Variants in SVEP1 observed in about 807,000 individuals in gnomAD.
The protein encoded by SVEP1 is sushi, von Willebrand factor type A, EGF and pentraxin domain-containing protein 1.
SVEP1 carries 164 observed loss-of-function variants against 367.3 expected under a neutral mutation model. The observed-to-expected ratio is 0.45, with a 90% confidence interval of 0.39 to 0.51. The LOEUF (loss-of-function observed/expected upper bound fraction) is 0.51. Among genes scored for constraint, SVEP1 ranks in the 20% least tolerant of loss-of-function variants. SVEP1 has a pLI of 0.00. For synonymous variants in SVEP1, 1,666 were observed against 1,611.6 expected (o/e 1.03, Z -0.81); for missense variants, 4,117 against 4,425.3 (o/e 0.93, Z 1.98).
At position 110,411,016 on chromosome 9, in the gene SVEP1, G is replaced by A. The variant is rs779446515; in HGVS notation, c.6648+47C>T. ...TTTGTTTTGTTTATTTATTTATTATGGGCCCTGTGACAAAAGCCACAGACC... is the reference window on the plus strand; with the variant it reads ...TTTGTTTTGTTTATTTATTTATTATAGGCCCTGTGACAAAAGCCACAGACC... On this transcript the variant is annotated intron_variant, in intron 37 of 47. Transcript: ENST00000374469. 25 of 1,477,632 alleles carry A rather than the reference G, an allele frequency of 1.7e-5. No homozygotes were observed. In the South Asian group the frequency reaches 3.4e-4, roughly 20 times the overall value. The allele number at this position is 1,477,632 out of a possible 1,614,324, so 91.5% of individuals were successfully genotyped here. A position where few individuals can be genotyped will look rare whatever the true frequency, so the allele number is the denominator to read the frequency against.
At chr9:110,423,795 A>G (rs943951718) in intron 36 of SVEP1, among the ~76,000 whole-genome samples, 1 of 145,934 alleles carries the variant, frequency 6.9e-6, no homozygotes, top group Non-Finnish European at 1.5e-5. Context: ...GTCAATATGA[A>G]AAACAAAATG....
intron 5 of SVEP1, among the ~76,000 whole-genome samples, chr9:110,504,855 C>G (rs1490130409): frequency 6.6e-6 from 1 of 152,166 alleles, no homozygotes; most frequent in Non-Finnish European, 1.5e-5. Context: ...AGATCTTCCC[C>G]CTTTCTTGGA....
rs545454578 is a variant in SVEP1, at chr9:110,547,624, G to C, written c.788-1333C>G. On this transcript the variant is annotated intron_variant, in intron 2 of 47. Transcript: ENST00000374469. The stretch of plus-strand genomic sequence containing the variant: ...AAGACAAACATAGCTGTCAAGACTA[G>C]TGTACCAGCATTCAGGTCTGGAAGA... Among the ~76,000 whole-genome samples the C allele has an allele frequency of 2.0e-5, 3 of 152,292 alleles. No homozygotes were observed. The South Asian group carries it at 6.2e-4, about 32-fold the overall frequency.
intron 3 of SVEP1, among the ~76,000 whole-genome samples, chr9:110,528,597 T>C (rs954454998): frequency 2.6e-5 from 4 of 152,030 alleles, no homozygotes; most frequent in African/African-American, 9.7e-5. Context: ...TGGCCATTTA[T>C]ATATCTTCCT....
At chr9:110,394,275 G>A (rs529531073) in intron 40 of SVEP1, among the ~76,000 whole-genome samples, 49 of 152,194 alleles carry the variant, frequency 3.2e-4, no homozygotes, top group African/African-American at 1.2e-3. Context: ...AGCCAACTCC[G>A]ACCTGCAGCT....
At chr9:110,434,245 G>A (rs932382130) in intron 30 of SVEP1, 91 bp downstream of exon 30, 4 of 1,348,078 alleles carry the variant, frequency 3.0e-6, no homozygotes, top group Admixed American at 2.3e-5. Flanking sequence ...CTACTGTGAA[G>A]TATTCACTCT....
At chr9:110,507,919 G>A (rs1022530983) in intron 5 of SVEP1, among the ~76,000 whole-genome samples, 4 of 152,074 alleles carry the variant, frequency 2.6e-5, no homozygotes, top group African/African-American at 7.2e-5. Flanking sequence ...AATTAGAGTC[G>A]GTGCCTCATA....
intron 46 of SVEP1, among the ~76,000 whole-genome samples, chr9:110,374,603 T>C (rs765609279): frequency 2.0e-5 from 3 of 152,136 alleles, no homozygotes; most frequent in Admixed American, 6.6e-5. Context: ...TGAGTCAAGA[T>C]TGCGCCACTG....
intron 3 of SVEP1, among the ~76,000 whole-genome samples, chr9:110,522,753 G>C (rs1190562386): frequency 1.3e-5 from 2 of 152,216 alleles, no homozygotes; most frequent in South Asian, 4.1e-4. Context: ...GTAACATTCA[G>C]GCTGTAGTTG....
intron 43 of SVEP1, 59 bp downstream of exon 43, chr9:110,385,839 C>G: frequency 6.4e-7 from 1 of 1,551,836 alleles, no homozygotes; most frequent in East Asian, 2.3e-5. Context: ...AACAACCTCA[C>G]AGGGATGGGA....
intron 40 of SVEP1, among the ~76,000 whole-genome samples, chr9:110,396,774 C>T (rs1223686362): frequency 2.0e-5 from 3 of 152,052 alleles, no homozygotes; most frequent in Non-Finnish European, 2.9e-5. Flanking sequence ...ACACATACAT[C>T]CTCCCAAGAC....
intron 1 of SVEP1, among the ~76,000 whole-genome samples, chr9:110,571,632 G>T (rs184089036): frequency 3.1e-4 from 47 of 152,240 alleles, no homozygotes; most frequent in African/African-American, 1.1e-3. Flanking sequence ...TTAAGCTAGT[G>T]GTACCTCAGA....
chr9:110,388,766 C>T (rs769646630), intron 41 of SVEP1, among the ~76,000 whole-genome samples: 5 of 151,880 alleles, frequency 3.3e-5, no homozygotes, highest in African/African-American at 1.2e-4. Context: ...GCCGGGAGTT[C>T]GAGACCAGCC....
intron 43 of SVEP1, among the ~76,000 whole-genome samples, chr9:110,382,192 G>A (rs1396956834): frequency 6.6e-6 from 1 of 151,538 alleles, no homozygotes; most frequent in African/African-American, 2.4e-5. Context: ...TTGTACTTCA[G>A]GGTGTTTTTT....
At chr9:110,538,575 A>G (rs981646191) in intron 3 of SVEP1, among the ~76,000 whole-genome samples, 2 of 152,102 alleles carry the variant, frequency 1.3e-5, no homozygotes, top group Admixed American at 1.3e-4. Flanking sequence ...GATACTCCCA[A>G]ATAAATATTC....
chr9:110,522,957 C>T (rs1829895066), intron 3 of SVEP1, among the ~76,000 whole-genome samples: 1 of 152,198 alleles, frequency 6.6e-6, no homozygotes. Context: ...CTTTGCTTCA[C>T]ACTCAGTGAC....
Position 110,434,416 on chromosome 9 carries a change from G to A in SVEP1, c.4979C>T (p.Pro1660Leu). 1 of 1,613,406 alleles carries A rather than the reference G, an allele frequency of 6.2e-7. No individual in the cohort carries two copies. Among genetic ancestry groups the A allele is most frequent in the Non-Finnish European group, 8.5e-7 (1 of 1,179,712 alleles). The change falls in exon 30 of 48, where the codon CCA becomes CTA. Residue 1660 changes from proline to leucine, a missense_variant. Pro to Leu is a moderately conservative substitution (Grantham distance 98). This residue lies in a region of SVEP1 where 2,174 missense variants were observed against 2,494.3 expected (regional missense o/e 0.87). Coordinates refer to ENST00000374469, the MANE Select transcript of SVEP1 (RefSeq NM_153366.4). Reference sequence around the variant, plus strand: ...AGGGTTCCCGACCAGCTGGAAGCCTGGATCACAGAACAGATTGACTTTGGA... The same window carrying A: ...AGGGTTCCCGACCAGCTGGAAGCCTAGATCACAGAACAGATTGACTTTGGA... ...PGSKVNLFCD[P>L]GFQLVGNPVQ...
intron 24 of SVEP1, among the ~76,000 whole-genome samples, chr9:110,449,593 G>C (rs1243102138): frequency 6.6e-6 from 1 of 152,190 alleles, no homozygotes; most frequent in East Asian, 1.9e-4. Context: ...TGAGGCAGGA[G>C]AATCGCTTTA....
chr9:110,534,627 ATTT>A (rs1471845618), intron 3 of SVEP1, among the ~76,000 whole-genome samples: 1 of 152,130 alleles, frequency 6.6e-6, no homozygotes, highest in Non-Finnish European at 1.5e-5. Flanking sequence ...GGTTGAACTA[ATTT>A]ACATTTCCAC....
Sources: allele counts gnomAD v4.1 joint callset (sites outside exome capture counted in the v4.1 genomes callset), GRCh38; gene constraint gnomAD v4.1.1; regional missense constraint gnomAD v4.1.1; transcripts MANE v1.5; gene names NCBI Gene and HGNC (gene_info 2026-07-23, HGNC 2026-07-21).